ZFHX3: variants seen among roughly 807,000 people sequenced by gnomAD.
The protein encoded by ZFHX3 is zinc finger homeobox 3, also known as zinc finger homeobox protein 3.
ZFHX3 carries 42 observed loss-of-function variants against 279.1 expected under a neutral mutation model. The observed-to-expected ratio is 0.15, with a 90% CI of 0.12 to 0.19. The LOEUF is 0.19. Ranked by LOEUF, ZFHX3 falls within the 10% of genes least tolerant of loss-of-function variation. The pLI is 1.00. For synonymous variants in ZFHX3, 2,293 were observed against 1,957.8 expected, an observed-to-expected ratio of 1.17 and a Z score of -4.52; for missense variants, 4,981 against 4,754.0, an observed-to-expected ratio of 1.05 and a Z score of -1.40.
At chr16:73,466,745 T>C (rs1417695954) in intron 2 of ZFHX3, among the ~76,000 whole-genome samples, 2 of 152,144 alleles carry the variant, frequency 1.3e-5, no homozygotes, top group Non-Finnish European at 2.9e-5. Context: ...GGCACCTATG[T>C]TGTTACTAGA....
intron 2 of ZFHX3, among the ~76,000 whole-genome samples, chr16:73,579,030 C>G (rs1448424610): frequency 2.6e-5 from 4 of 152,186 alleles, no homozygotes; most frequent in Non-Finnish European, 4.4e-5. Context: ...GGAACAGACT[C>G]TTTATGTCTG....
chr16:73,641,328 G>C (rs2052571434), intron 2 of ZFHX3, among the ~76,000 whole-genome samples: 1 of 152,096 alleles, frequency 6.6e-6, no homozygotes, highest in South Asian at 2.1e-4. Context: ...GACGACAAAG[G>C]AGTGAGAACA....
intron 3 of ZFHX3, among the ~76,000 whole-genome samples, chr16:72,935,805 C>T (rs1960091935): frequency 6.6e-6 from 1 of 151,850 alleles, no homozygotes; most frequent in Non-Finnish European, 1.5e-5. Context: ...TACCTAATAT[C>T]CCCAAGACCC....
intron 4 of ZFHX3, among the ~76,000 whole-genome samples, chr16:72,864,075 C>T (rs991670549): frequency 6.6e-6 from 1 of 152,050 alleles, no homozygotes; most frequent in Admixed American, 6.6e-5. Context: ...CGAGACAGTG[C>T]CACTTGCAGT....
At chr16:73,151,140 A>G (rs1966931042) in intron 5 of ZFHX3, among the ~76,000 whole-genome samples, 1 of 152,246 alleles carries the variant, frequency 6.6e-6, no homozygotes, top group Non-Finnish European at 1.5e-5. Flanking sequence ...AAATTCATAG[A>G]GACAGAAAAT....
intron 1 of ZFHX3, among the ~76,000 whole-genome samples, chr16:73,719,573 T>A (rs923251497): frequency 2.0e-5 from 3 of 152,240 alleles, no homozygotes; most frequent in Non-Finnish European, 2.9e-5. Flanking sequence ...AATAACTCGC[T>A]GAAATCTTGT....
chr16:73,272,614 C>T (rs928334984), intron 4 of ZFHX3, among the ~76,000 whole-genome samples: 8 of 152,108 alleles, frequency 5.3e-5, no homozygotes, highest in East Asian at 1.9e-4. Context: ...AAGAACCTAG[C>T]GTTATTCCCA....
At chr16:72,792,111 A>AGATGGCTGGATCCAGAGAAGATGTG (rs2035727038) in intron 9 of ZFHX3, among the ~76,000 whole-genome samples, 1 of 152,228 alleles carries the variant, frequency 6.6e-6, no homozygotes, top group African/African-American at 2.4e-5. Context: ...AATTTAGCAA[A>AGATGGCTGGATCCAGAGAAGATGTG]GATGGCTGGA....
chr16:72,862,598 TATCTCCTGATCAGA>T (rs1238172673), intron 4 of ZFHX3, among the ~76,000 whole-genome samples: 1 of 152,234 alleles, frequency 6.6e-6, no homozygotes, highest in Non-Finnish European at 1.5e-5. Flanking sequence ...GTGAGACATG[TATCTCCTGATCAGA>T]TACACTGACT....
intron 1 of ZFHX3, among the ~76,000 whole-genome samples, chr16:73,799,491 G>A (rs1446838508): frequency 6.6e-6 from 1 of 152,122 alleles, no homozygotes; most frequent in African/African-American, 2.4e-5. Context: ...TGCAAAGATG[G>A]AGAAGGGAAG....
At chr16:73,834,466 C>A (rs1013405203) in intron 1 of ZFHX3, among the ~76,000 whole-genome samples, 6 of 152,192 alleles carry the variant, frequency 3.9e-5, no homozygotes, top group African/African-American at 1.4e-4. Context: ...GAAAGAAGCA[C>A]ACAGCCAAGC....
chr16:73,708,788 G>C (rs1482298740), intron 1 of ZFHX3, among the ~76,000 whole-genome samples: 1 of 152,164 alleles, frequency 6.6e-6, no homozygotes, highest in Admixed American at 6.5e-5. Flanking sequence ...TATCCTCTTT[G>C]TAGGGGACAG....
chr16:72,919,998 T>C (rs74381768), intron 3 of ZFHX3, among the ~76,000 whole-genome samples: 11,112 of 151,596 alleles, frequency 0.073, 445 homozygotes, highest in Non-Finnish European at 0.094. Context: ...TTTCACTATG[T>C]TGACCAGGCT....
chr16:73,019,378 G>T (rs1214312054), intron 1 of ZFHX3, among the ~76,000 whole-genome samples: 2 of 150,164 alleles, frequency 1.3e-5, no homozygotes, highest in Non-Finnish European at 3.0e-5. Context: ...GCGTGTGCGT[G>T]TGCGTGTCTG....
chr16:73,311,219 G>A (rs1265236705), intron 4 of ZFHX3, among the ~76,000 whole-genome samples: 1 of 151,704 alleles, frequency 6.6e-6, no homozygotes, highest in African/African-American at 2.4e-5. Flanking sequence ...GGGGACAAGA[G>A]AGAGACTTCG....
intron 1 of ZFHX3, among the ~76,000 whole-genome samples, chr16:73,726,977 G>A (rs548346191): frequency 6.6e-6 from 1 of 152,170 alleles, no homozygotes; most frequent in African/African-American, 2.4e-5. Flanking sequence ...ACATTCCCTG[G>A]GGAGAGGGCA....
intron 4 of ZFHX3, among the ~76,000 whole-genome samples, chr16:73,272,786 G>A (rs557473297): frequency 4.6e-5 from 7 of 152,030 alleles, no homozygotes; most frequent in Non-Finnish European, 5.9e-5. Context: ...TTACTCTGTC[G>A]CCCAGGCTGG....
chr16:73,602,932 T>C (rs1194183204), intron 2 of ZFHX3, among the ~76,000 whole-genome samples: 13 of 55,318 alleles, frequency 2.4e-4, no homozygotes, highest in African/African-American at 5.6e-4. Flanking sequence ...AGCGAGACTC[T>C]GACTCAAAAA....
intron 1 of ZFHX3, among the ~76,000 whole-genome samples, chr16:73,718,138 C>T (rs774316640): frequency 2.6e-4 from 39 of 152,216 alleles, no homozygotes; most frequent in Non-Finnish European, 1.0e-4. Flanking sequence ...GAGCTGGGCA[C>T]GGTGGCTCAC....
Sources: gnomAD v4.1 joint callset for allele counts (sites outside exome capture counted in the v4.1 genomes callset) on GRCh38, gnomAD v4.1.1 for gene constraint, MANE v1.5 for transcripts, NCBI Gene and HGNC (gene_info 2026-07-23, HGNC 2026-07-21) for gene names.